GRM7: variants seen among roughly 807,000 people sequenced by gnomAD.
The protein encoded by GRM7 is metabotropic glutamate receptor 7.
Under a neutral mutation model 84.5 loss-of-function variants are expected in GRM7, and 35 were observed. That is an observed-to-expected ratio of 0.41 (90% CI 0.32 to 0.55). GRM7 has a LOEUF of 0.55. Ranked by LOEUF, GRM7 falls within the 20% of genes least tolerant of loss-of-function variation. The pLI, the probability that GRM7 is intolerant of heterozygous loss-of-function variation, is 0.19. For synonymous variants in GRM7, 487 were observed against 455.1 expected, an observed-to-expected ratio of 1.07 and a Z score of -0.89; for missense variants, 1,003 against 1,194.6, an observed-to-expected ratio of 0.84 and a Z score of 2.36.
rs1211702473 is a variant in GRM7 at position 6,949,563 on chromosome 3, T to C, written c.519+87656T>C. ...AGTTGCTCTTCTCGAGGAGTATCTT[T>C]GTGGCATTCTCTGTATTTCCTGAAT... On this transcript the variant is annotated intron_variant, in intron 1 of 9. Coordinates refer to ENST00000357716, the MANE Select transcript of GRM7 (RefSeq NM_000844.4). 3.3e-5 allele frequency among the ~76,000 whole-genome samples: 5 copies of C among 151,798 alleles called. No individual in the cohort carries two copies. In the East Asian group the frequency reaches 9.6e-4, roughly 29 times the overall value.
At chr3:7,186,690 A>C (rs1429940821) in intron 2 of GRM7, among the ~76,000 whole-genome samples, 1 of 152,158 alleles carries the variant, frequency 6.6e-6, no homozygotes, top group Non-Finnish European at 1.5e-5. Context: ...AAACACATTT[A>C]ATGTGTCATT....
At chr3:7,019,558 A>G (rs557141637) in intron 1 of GRM7, among the ~76,000 whole-genome samples, 34 of 152,342 alleles carry the variant, frequency 2.2e-4, no homozygotes, top group Non-Finnish European at 2.5e-4. Flanking sequence ...TCAGGGATGA[A>G]TGAGTCGCCA....
intron 1 of GRM7, among the ~76,000 whole-genome samples, chr3:7,036,781 C>G (rs1481043318): frequency 1.5e-5 from 1 of 66,656 alleles, no homozygotes; most frequent in Non-Finnish European, 2.8e-5. Context: ...TTAGCAAGGT[C>G]TTTCTTGCTT....
rs368577900 is a variant in GRM7 at position 7,327,393 on chromosome 3, G to A, written c.1033+20741G>A. Among the ~76,000 whole-genome samples the A allele has an allele frequency of 2.0e-5, 3 of 152,090 alleles. No individual in the cohort carries two copies. In the South Asian group the frequency reaches 6.2e-4, roughly 32 times the overall value. ...GGAAAAGGAGAGGAGAGGAAAGAAA[G>A]CATAAGAAAGAAAAGAACTATTGCT... On this transcript the variant is annotated intron_variant, in intron 4 of 9. Coordinates refer to ENST00000357716, the MANE Select transcript of GRM7 (RefSeq NM_000844.4).
At chr3:6,869,025 T>G (rs1695028071) in intron 1 of GRM7, among the ~76,000 whole-genome samples, 1 of 152,174 alleles carries the variant, frequency 6.6e-6, no homozygotes, top group Non-Finnish European at 1.5e-5. Flanking sequence ...AATAAAAATA[T>G]TTCCATTTTT....
chr3:6,979,779 G>C (rs1361614741), intron 1 of GRM7, among the ~76,000 whole-genome samples: 7 of 152,124 alleles, frequency 4.6e-5, no homozygotes, highest in Non-Finnish European at 7.4e-5. Flanking sequence ...TTGCAAATCT[G>C]CAATCACTTT....
At chr3:6,964,216 AT>A (rs1693411467) in intron 1 of GRM7, among the ~76,000 whole-genome samples, 1 of 152,174 alleles carries the variant, frequency 6.6e-6, no homozygotes, top group South Asian at 2.1e-4. Flanking sequence ...TGGGTGGCTT[AT>A]AAACAACAGA....
intron 4 of GRM7, among the ~76,000 whole-genome samples, chr3:7,340,323 A>C (rs935241656): frequency 6.6e-6 from 1 of 152,178 alleles, no homozygotes; most frequent in Non-Finnish European, 1.5e-5. Flanking sequence ...ATTGATTCAC[A>C]GTTCCGCATG....
intron 8 of GRM7, among the ~76,000 whole-genome samples, chr3:7,599,205 C>A (rs936382208): frequency 6.6e-6 from 1 of 152,086 alleles, no homozygotes; most frequent in African/African-American, 2.4e-5. Flanking sequence ...ACCCTGATGT[C>A]TTTACATATT....
intron 7 of GRM7, among the ~76,000 whole-genome samples, chr3:7,542,883 T>C (rs1484061398): frequency 1.3e-5 from 2 of 152,162 alleles, no homozygotes; most frequent in Non-Finnish European, 2.9e-5. Context: ...AAATTATAAA[T>C]TTGTTTGTAA....
At chr3:6,891,925 T>C (rs914313078) in intron 1 of GRM7, among the ~76,000 whole-genome samples, 3 of 152,162 alleles carry the variant, frequency 2.0e-5, no homozygotes, top group African/African-American at 7.2e-5. Context: ...GGATGCTTTG[T>C]TCATTTCTTT....
rs146315020 is a variant in GRM7, at chr3:6,970,601, T to C, written c.519+108694T>C. ...GTGGGAATTTGAGCGTAGCTGGACG[T>C]TATCTCTTAGGCTGGTGTGTTAAGA... On this transcript the variant is annotated intron_variant, in intron 1 of 9. Coordinates refer to ENST00000357716, the MANE Select transcript of GRM7 (RefSeq NM_000844.4). Among the ~76,000 whole-genome samples the C allele has an allele frequency of 1.1e-3, 174 of 152,242 alleles. 1 individual carries two copies. The Middle Eastern group carries it at 0.014, about 12-fold the overall frequency.
At chr3:7,205,441 T>G (rs1167919438) in intron 2 of GRM7, among the ~76,000 whole-genome samples, 1 of 152,216 alleles carries the variant, frequency 6.6e-6, no homozygotes, top group African/African-American at 2.4e-5. Context: ...AGAGTCTGCC[T>G]TCAAGGGCTG....
intron 4 of GRM7, among the ~76,000 whole-genome samples, chr3:7,409,934 T>C (rs1424594764): frequency 1.3e-5 from 2 of 152,158 alleles, no homozygotes; most frequent in Non-Finnish European, 2.9e-5. Context: ...TTCAAGGATA[T>C]ATTCTTAGAG....
chr3:7,347,673 A>G (rs950521858), intron 4 of GRM7, among the ~76,000 whole-genome samples: 4 of 152,182 alleles, frequency 2.6e-5, no homozygotes, highest in Non-Finnish European at 5.9e-5. Context: ...GACCAAATGT[A>G]AGGCATACAT....
intron 1 of GRM7, among the ~76,000 whole-genome samples, chr3:7,044,695 A>C (rs1004372638): frequency 1.3e-5 from 2 of 152,100 alleles, no homozygotes; most frequent in Non-Finnish European, 2.9e-5. Context: ...CTCCTATGGA[A>C]ATGTGGTGTA....
At chr3:7,052,741 T>A (rs1697054978) in intron 1 of GRM7, among the ~76,000 whole-genome samples, 1 of 147,008 alleles carries the variant, frequency 6.8e-6, no homozygotes, top group East Asian at 2.1e-4. Context: ...TTTTTTTGCA[T>A]TGCCAGGTAG....
chr3:7,492,403 T>A (rs1699553848), intron 7 of GRM7, among the ~76,000 whole-genome samples: 1 of 152,208 alleles, frequency 6.6e-6, no homozygotes, highest in African/African-American at 2.4e-5. Context: ...AACTGTTCAG[T>A]TTGTCTACTT....
At chr3:6,975,376 A>G (rs897641800) in intron 1 of GRM7, among the ~76,000 whole-genome samples, 4 of 152,190 alleles carry the variant, frequency 2.6e-5, no homozygotes, top group Non-Finnish European at 5.9e-5. Context: ...GAAAGTTTTA[A>G]CAAGAGAAAC....
Sources: gnomAD v4.1 joint callset for allele counts (sites outside exome capture counted in the v4.1 genomes callset) on GRCh38, gnomAD v4.1.1 for gene constraint, MANE v1.5 for transcripts, NCBI Gene and HGNC (gene_info 2026-07-23, HGNC 2026-07-21) for gene names.